Variants in ALDH18A1 observed in about 807,000 individuals in gnomAD.
ALDH18A1 encodes delta-1-pyrroline-5-carboxylate synthase.
Under a neutral mutation model 88.8 loss-of-function variants are expected in ALDH18A1, and 44 were observed. That is an observed-to-expected ratio of 0.50 (90% CI 0.39 to 0.64). ALDH18A1 has a LOEUF of 0.64. Among genes scored for constraint, ALDH18A1 ranks in the 30% least tolerant of loss-of-function variants. The pLI is 0.00. For synonymous variants in ALDH18A1, 331 were observed against 372.1 expected, an observed-to-expected ratio of 0.89 and a Z score of 1.27; for missense variants, 782 against 1,009.5, an observed-to-expected ratio of 0.77 and a Z score of 3.05.
chr10:95,655,147 TTATTATTA>T (rs891716384), intron 1 of ALDH18A1, among the ~76,000 whole-genome samples: 1 of 151,752 alleles, frequency 6.6e-6, no homozygotes, highest in African/African-American at 2.4e-5. Context: ...ATTATTATTA[TTATTATTA>T]TACTTTAAGT....
intron 2 of ALDH18A1, among the ~76,000 whole-genome samples, chr10:95,652,526 A>T (rs2097911931): frequency 6.6e-6 from 1 of 152,156 alleles, no homozygotes; most frequent in South Asian, 2.1e-4. Flanking sequence ...ACCTGAGGTC[A>T]GGAGTTCGAG....
rs775297128 is a variant in ALDH18A1, at chr10:95,614,078, C to T, written c.1689G>A (p.Leu563=). The stretch of plus-strand genomic sequence containing the variant: ...TAGCAGCTTTCTGGATGTCTCTGAC[C>T]AGCTGGGAAGAGCCACGTGGAATGA... ...DLIIPRGSSQ[L]VRDIQKAAKG... Residue 563 remains leucine (L), a synonymous_variant, in exon 14 of 18, where the codon CTG becomes CTA. Transcript: ENST00000371224. 6 of 1,614,012 alleles carry T rather than the reference C, an allele frequency of 3.7e-6. No homozygotes were observed. In the African/African-American group the frequency reaches 5.3e-5, roughly 14 times the overall value.
intron 7 of ALDH18A1, among the ~76,000 whole-genome samples, chr10:95,630,014 AC>A (rs1183471094): frequency 6.6e-6 from 1 of 152,114 alleles, no homozygotes; most frequent in Admixed American, 6.5e-5. Context: ...CAGATTTGAA[AC>A]TGGCCTCTGT....
intron 2 of ALDH18A1, among the ~76,000 whole-genome samples, chr10:95,652,009 T>C (rs1482335804): frequency 6.6e-6 from 1 of 152,220 alleles, no homozygotes; most frequent in Non-Finnish European, 1.5e-5. Context: ...TTACACTAAC[T>C]GTGATACACT....
At chr10:95,620,770 T>A (rs376708280) in intron 12 of ALDH18A1, among the ~76,000 whole-genome samples, 1 of 109,238 alleles carries the variant, frequency 9.2e-6, no homozygotes, top group African/African-American at 3.6e-5. Flanking sequence ...GTGGGGAACA[T>A]CACACACTGG....
At chr10:95,649,661 C>G (rs1289991685) in intron 2 of ALDH18A1, among the ~76,000 whole-genome samples, 1 of 151,980 alleles carries the variant, frequency 6.6e-6, no homozygotes, top group African/African-American at 2.4e-5. Context: ...AACCAAAAAA[C>G]TTTTTAAAAA....
At chr10:95,633,374 A>C in intron 6 of ALDH18A1, 117 bp downstream of exon 6, 1 of 1,327,238 alleles carries the variant, frequency 7.5e-7, no homozygotes, top group African/African-American at 1.5e-5. Flanking sequence ...GCTCCATGAC[A>C]AGTTTCTCTC....
Position 95,643,009 on chromosome 10 carries a change from C to A in ALDH18A1, c.286G>T (p.Ala96Ser), listed in dbSNP as rs2097894738. 6.2e-7 allele frequency: 1 copy of A among 1,613,580 alleles called. No individual in the cohort carries two copies. The highest frequency in any genetic ancestry group is 8.5e-7 in the Non-Finnish European group (1 of 1,179,914). The change falls in exon 3 of 18, where the codon GCA (alanine) becomes TCA (serine). Residue 96 changes from alanine (A) to serine (S), a missense_variant. Physicochemically the swap from Ala to Ser is moderately conservative, Grantham distance 99 (BLOSUM62 1). Coordinates refer to ENST00000371224, the MANE Select transcript of ALDH18A1 (RefSeq NM_002860.4). ...GCAATCACCTGCTCAACAATAGATG[C>A]CAAGCGCCCCAGGGCCAGGCCACAT... ...DECGLALGRL[A>S]SIVEQVSVLQ...
intron 2 of ALDH18A1, among the ~76,000 whole-genome samples, chr10:95,653,006 G>A (rs1787883958): frequency 6.6e-6 from 1 of 151,992 alleles, no homozygotes; most frequent in Non-Finnish European, 1.5e-5. Flanking sequence ...GGGCAACATG[G>A]CAAAATCGCA....
intron 11 of ALDH18A1, among the ~76,000 whole-genome samples, chr10:95,625,071 T>C (rs896481512): frequency 6.6e-6 from 1 of 152,198 alleles, no homozygotes; most frequent in Admixed American, 6.5e-5. Flanking sequence ...ATTAGCTGAA[T>C]GTCTTAAGCA....
At position 95,616,465 on chromosome 10, in the gene ALDH18A1, C is replaced by G. The variant is rs1489983256; in HGVS notation, c.1605+12G>C. The G allele has an allele frequency of 6.4e-7, 1 of 1,558,858 alleles. No homozygotes were observed. Among genetic ancestry groups the G allele is most frequent in the Non-Finnish European group, 8.7e-7 (1 of 1,150,454 alleles). ...CCTCTGGGCCTGACTTGGTGCATTC[C>G]CAGGGACCTACCAGTTGCACGGCCT... On this transcript the variant is annotated intron_variant, in intron 13 of 17. Coordinates refer to ENST00000371224, the MANE Select transcript of ALDH18A1 (RefSeq NM_002860.4).
At chr10:95,627,042 G>A (rs1221307253) in intron 9 of ALDH18A1, among the ~76,000 whole-genome samples, 1 of 152,130 alleles carries the variant, frequency 6.6e-6, no homozygotes, top group Non-Finnish European at 1.5e-5. Context: ...GAATTCTTCT[G>A]AATTCCACTT....
chr10:95,648,234 C>G (rs988665264), intron 2 of ALDH18A1, among the ~76,000 whole-genome samples: 1 of 152,116 alleles, frequency 6.6e-6, no homozygotes, highest in Non-Finnish European at 1.5e-5. Flanking sequence ...CAACCCCGTA[C>G]ATTTGGTCAC....
At chr10:95,608,439 G>A (rs1014701249) in intron 17 of ALDH18A1, among the ~76,000 whole-genome samples, 2 of 152,216 alleles carry the variant, frequency 1.3e-5, no homozygotes, top group African/African-American at 2.4e-5. Context: ...ACAATTTGGT[G>A]AGAATTATTT....
intron 2 of ALDH18A1, among the ~76,000 whole-genome samples, chr10:95,652,929 GTAATCCCA>G (rs1311757489): frequency 6.9e-4 from 105 of 152,018 alleles, no homozygotes; most frequent in African/African-American, 2.3e-3. Context: ...GCTCACGCCT[GTAATCCCA>G]GCACTTTGGG....
At position 95,653,415 on chromosome 10, in the gene ALDH18A1, A is replaced by G. The variant is rs2097913482; in HGVS notation, c.-28-10T>C. On this transcript the variant is annotated splice_polypyrimidine_tract_variant and intron_variant, in intron 1 of 17. Coordinates refer to ENST00000371224, the MANE Select transcript of ALDH18A1 (RefSeq NM_002860.4). ...TCACTAACCAAAGTATCTGCAGAAT[A>G]CATTTTTTAAAAAGTGAGTAATGAA... The G allele has an allele frequency of 1.2e-6, 2 of 1,606,074 alleles. No individual in the cohort carries two copies. The highest frequency in any genetic ancestry group is 1.7e-6 in the Non-Finnish European group (2 of 1,173,010).
At chr10:95,616,093 C>T (rs185215204) in intron 13 of ALDH18A1, among the ~76,000 whole-genome samples, 62 of 152,300 alleles carry the variant, frequency 4.1e-4, no homozygotes, top group Admixed American at 1.2e-3. Context: ...ATACTCAACA[C>T]ACCGCATGAC....
rs530586051 is a variant in ALDH18A1 at position 95,641,875 on chromosome 10, C to T, written c.303+1117G>A. 2.0e-5 allele frequency among the ~76,000 whole-genome samples: 3 copies of T among 152,254 alleles called. No homozygotes were observed. The East Asian group carries it at 5.8e-4, about 29-fold the overall frequency. On this transcript the variant is annotated intron_variant, in intron 3 of 17. Coordinates refer to ENST00000371224, the MANE Select transcript of ALDH18A1 (RefSeq NM_002860.4). ...TAGGCTGGTCTCGAACTCCTGGGCT[C>T]AAGCAATCCTTCTGCCTCAGCCTTC...
chr10:95,648,176 G>A (rs866579026), intron 2 of ALDH18A1, among the ~76,000 whole-genome samples: 1 of 152,124 alleles, frequency 6.6e-6, no homozygotes, highest in Non-Finnish European at 1.5e-5. Flanking sequence ...TGTCCTCAGG[G>A]AGACAGTGTC....
Sources: gnomAD v4.1 joint callset for allele counts (sites outside exome capture counted in the v4.1 genomes callset) on GRCh38, gnomAD v4.1.1 for gene constraint, MANE v1.5 for transcripts, NCBI Gene and HGNC (gene_info 2026-07-23, HGNC 2026-07-21) for gene names.